The following MUSK variants were observed in gnomAD, a reference collection of about 807,000 sequenced individuals.
The protein encoded by MUSK is muscle associated receptor tyrosine kinase.
Under a neutral mutation model 88.7 loss-of-function variants are expected in MUSK, and 55 were observed. The ratio of observed to expected loss-of-function variants is 0.62; its 90% confidence interval spans 0.50 to 0.78. The LOEUF is 0.78. MUSK is among the 30% of genes least tolerant of loss of function. MUSK has a pLI of 0.00. For synonymous variants in MUSK, 387 were observed against 391.9 expected, an observed-to-expected ratio of 0.99 and a Z score of 0.15; for missense variants, 1,015 against 1,074.3, an observed-to-expected ratio of 0.94 and a Z score of 0.77.
intron 7 of MUSK, among the ~76,000 whole-genome samples, chr9:110,751,346 G>A (rs2077245045): frequency 6.6e-6 from 1 of 152,190 alleles, no homozygotes; most frequent in South Asian, 2.1e-4. Context: ...GTATAGGAAG[G>A]CCATGTCCTA....
intron 9 of MUSK, among the ~76,000 whole-genome samples, chr9:110,769,965 A>G (rs1031423619): frequency 2.6e-5 from 4 of 152,120 alleles, no homozygotes; most frequent in Non-Finnish European, 4.4e-5. Flanking sequence ...ACAAGACTCC[A>G]TTGTATAAAA....
intron 1 of MUSK, 53 bp from the exon 2 acceptor site, chr9:110,682,621 G>C: frequency 6.3e-7 from 1 of 1,592,906 alleles, no homozygotes; most frequent in Non-Finnish European, 8.6e-7. Context: ...TTAAGGAAGG[G>C]TTAGTAAACA....
intron 1 of MUSK, among the ~76,000 whole-genome samples, chr9:110,676,735 C>A (rs1452439277): frequency 6.6e-6 from 1 of 151,516 alleles, no homozygotes; most frequent in Non-Finnish European, 1.5e-5. Flanking sequence ...AATCTCATTC[C>A]TTTTTATGGC....
rs2076104431 is a variant in MUSK, at chr9:110,681,013, TA to T, written c.80-1659del. 5.6e-5 allele frequency among the ~76,000 whole-genome samples: 2 copies of T among 36,016 alleles called. 1 individual carries two copies. Among genetic ancestry groups the T allele is most frequent in the Non-Finnish European group, 9.3e-5 (2 of 21,400 alleles). 23.6% of individuals were successfully genotyped at this position (36,016 alleles called of 152,430 possible). Reference sequence around the variant, plus strand: ...TCCTTATAATATATTATATTATATATAATATATATTATATATTATATATTAT... The same window carrying T: ...TCCTTATAATATATTATATTATATATATATATATTATATATTATATATTAT... On this transcript the variant is annotated intron_variant, in intron 1 of 14. Transcript: ENST00000374448.
intron 2 of MUSK, among the ~76,000 whole-genome samples, chr9:110,686,451 T>C (rs1050473053): frequency 1.3e-5 from 2 of 152,136 alleles, no homozygotes; most frequent in African/African-American, 4.8e-5. Context: ...ATAAAAAAAC[T>C]CTTATTTGGT....
In MUSK at chr9:110,784,905, A is replaced by C. The variant is rs1683886957; in HGVS notation, c.1475A>C (p.Tyr492Ser). Residue 492 changes from tyrosine to serine, a missense_variant, in exon 12 of 15, where the codon TAC (tyrosine) becomes TCC (serine). By Grantham distance (144) the Tyr-to-Ser change is moderately radical. Coordinates refer to ENST00000374448, the MANE Select transcript of MUSK (RefSeq NM_005592.4). ...SSSSFSVSPT[Y>S]SMTVIISIMS... is the part of the protein sequence containing the mutation. ...TCTTCCTTCTCTGTCTCACCTACAT[A>C]CTCCATGACTGTAATAATCTCCATC... 1 of 1,613,632 alleles carries C rather than the reference A, an allele frequency of 6.2e-7. No homozygotes were observed. Among genetic ancestry groups the C allele is most frequent in the African/African-American group, 1.3e-5 (1 of 74,984 alleles).
chr9:110,750,567 G>A (rs1301333138), intron 7 of MUSK, among the ~76,000 whole-genome samples: 1 of 152,142 alleles, frequency 6.6e-6, no homozygotes, highest in Non-Finnish European at 1.5e-5. Flanking sequence ...CTCCCTGTCT[G>A]TCCCTACTGT....
chr9:110,728,618 C>G, intron 5 of MUSK: 1 of 995,862 alleles, frequency 1.0e-6, no homozygotes, highest in Non-Finnish European at 1.5e-6. Flanking sequence ...AAAGATTTCC[C>G]TTTTCATGAT....
chr9:110,770,080 ATT>A (rs1376293391), intron 9 of MUSK, among the ~76,000 whole-genome samples: 2 of 151,758 alleles, frequency 1.3e-5, no homozygotes, highest in Non-Finnish European at 2.9e-5. Context: ...TCTGAATTCT[ATT>A]TCATGGATGG....
At chr9:110,689,613 T>C (rs1199575242) in intron 3 of MUSK, among the ~76,000 whole-genome samples, 1 of 85,176 alleles carries the variant, frequency 1.2e-5, no homozygotes, top group African/African-American at 4.9e-5. Flanking sequence ...TTATATATTT[T>C]AGTATATATA....
chr9:110,711,159 G>T (rs903542892), intron 5 of MUSK, among the ~76,000 whole-genome samples: 3 of 152,146 alleles, frequency 2.0e-5, no homozygotes, highest in Admixed American at 2.0e-4. Context: ...TGTAAATGAT[G>T]AGTTAATGGG....
intron 3 of MUSK, among the ~76,000 whole-genome samples, chr9:110,689,131 CATAA>C (rs1285413802): frequency 5.0e-4 from 62 of 125,128 alleles, no homozygotes; most frequent in South Asian, 1.9e-3. Context: ...ATATAAACTA[CATAA>C]ATAAACTATA....
intron 9 of MUSK, among the ~76,000 whole-genome samples, chr9:110,769,350 ATAAGAG>A (rs1406439869): frequency 2.0e-5 from 3 of 152,220 alleles, no homozygotes; most frequent in Non-Finnish European, 4.4e-5. Flanking sequence ...TGGAGACACT[ATAAGAG>A]TAATATAATT....
intron 3 of MUSK, among the ~76,000 whole-genome samples, chr9:110,691,965 G>A (rs1177563413): frequency 6.6e-6 from 1 of 152,102 alleles, no homozygotes. Context: ...CTCTGTTGCA[G>A]ATGAGAAGTC....
intron 14 of MUSK, among the ~76,000 whole-genome samples, chr9:110,797,223 T>C (rs2078021986): frequency 6.9e-6 from 1 of 144,048 alleles, no homozygotes; most frequent in Non-Finnish European, 1.5e-5. Context: ...GTAATACTTT[T>C]AGGAATTACA....
rs1284697022 is a variant in MUSK at position 110,797,127 on chromosome 9, A to AT, written c.1928-3179_1928-3178insT. 4.9e-3 allele frequency among the ~76,000 whole-genome samples: 204 copies of AT among 41,404 alleles called. 5 individuals are homozygous for AT. Among genetic ancestry groups the AT allele is most frequent in the Middle Eastern group, 0.03 (2 of 66 alleles). 27.2% of individuals were successfully genotyped at this position (41,404 alleles called of 152,430 possible). ...AACTTAGAGTATAACAAAAAAATAA[A>AT]AAAATAAAAAATAAAAAATAAATGC... On this transcript the variant is annotated intron_variant, in intron 14 of 14. Coordinates refer to ENST00000374448, the MANE Select transcript of MUSK (RefSeq NM_005592.4).
At chr9:110,762,708 G>T (rs1193235693) in intron 8 of MUSK, among the ~76,000 whole-genome samples, 1 of 152,112 alleles carries the variant, frequency 6.6e-6, no homozygotes, top group Non-Finnish European at 1.5e-5. Context: ...ATATAAGAAG[G>T]TATCCCTTGC....
At chr9:110,721,994 G>C (rs1381449076) in intron 5 of MUSK, among the ~76,000 whole-genome samples, 1 of 152,102 alleles carries the variant, frequency 6.6e-6, no homozygotes, top group Non-Finnish European at 1.5e-5. Context: ...AGTGGGGAAA[G>C]GACACCCTAT....
At chr9:110,771,398 C>T (rs944811043) in intron 9 of MUSK, among the ~76,000 whole-genome samples, 2 of 151,976 alleles carry the variant, frequency 1.3e-5, no homozygotes, top group Admixed American at 6.6e-5. Flanking sequence ...CCCTCTTATG[C>T]TCATTTCTAA....
Sources: allele counts gnomAD v4.1 joint callset (sites outside exome capture counted in the v4.1 genomes callset), GRCh38; gene constraint gnomAD v4.1.1; transcripts MANE v1.5; gene names NCBI Gene and HGNC (gene_info 2026-07-23, HGNC 2026-07-21).